Variants in ZBBX observed in about 807,000 individuals in gnomAD.
The protein encoded by ZBBX is zinc finger B-box domain containing.
Under a neutral mutation model 108.5 loss-of-function variants are expected in ZBBX, and 101 were observed. The ratio of observed to expected loss-of-function variants is 0.93; its 90% CI spans 0.79 to 1.10. ZBBX has a LOEUF of 1.10. Ranked by LOEUF, ZBBX falls within the 50% of genes least tolerant of loss-of-function variation. The pLI, the probability that ZBBX is intolerant of heterozygous loss-of-function variation, is 0.00. For missense variants in ZBBX, 1,009 were observed against 941.4 expected (o/e 1.07, Z -0.94); for synonymous variants, 356 against 323.4 (o/e 1.10, Z -1.08).
At chr3:167,300,760 G>A (rs1460895198) in intron 17 of ZBBX, among the ~76,000 whole-genome samples, 2 of 151,746 alleles carry the variant, frequency 1.3e-5, no homozygotes, top group African/African-American at 2.4e-5. Flanking sequence ...TGGGATTACA[G>A]GCACCTGCCA....
rs148477343 is a variant in ZBBX, at chr3:167,289,624, G to A, written c.1880-641C>T. Among the ~76,000 whole-genome samples the A allele has an allele frequency of 1.2e-4, 19 of 152,260 alleles. No individual in the cohort carries two copies. In the East Asian group the frequency reaches 2.7e-3, roughly 22 times the overall value. ...ACCCTCAGACCAGGAGATCCCCTCC[G>A]GTGCCTACACCACCAGGGACCTTGG... On this transcript the variant is annotated intron_variant, in intron 18 of 21. Coordinates refer to ENST00000675490, the MANE Select transcript of ZBBX (RefSeq NM_001199201.2).
intron 19 of ZBBX, 67 bp downstream of exon 19, chr3:167,288,800 T>TA: frequency 9.0e-7 from 1 of 1,114,904 alleles, no homozygotes; most frequent in Non-Finnish European, 1.2e-6. Context: ...ACTAAACTGC[T>TA]AAAAAAGCAA....
At chr3:167,248,341 C>T (rs542767696) in intron 20 of ZBBX, among the ~76,000 whole-genome samples, 1 of 152,342 alleles carries the variant, frequency 6.6e-6, no homozygotes, top group Admixed American at 6.5e-5. Flanking sequence ...TCAGCCTAGT[C>T]TGAAATCGGG....
At chr3:167,307,201 GA>G (rs1733802002) in intron 16 of ZBBX, among the ~76,000 whole-genome samples, 1 of 152,092 alleles carries the variant, frequency 6.6e-6, no homozygotes, top group Non-Finnish European at 1.5e-5. Flanking sequence ...TATTCCCCTT[GA>G]AAACTGGCAC....
At chr3:167,282,634 C>T (rs1038892521) in intron 19 of ZBBX, 139 bp from the exon 20 acceptor site, 1 of 673,972 alleles carries the variant, frequency 1.5e-6, no homozygotes, top group Non-Finnish European at 2.4e-6. Flanking sequence ...CTTTGACTAT[C>T]ACCCTTTCTA....
intron 8 of ZBBX, among the ~76,000 whole-genome samples, chr3:167,357,111 G>T (rs1472166109): frequency 2.0e-5 from 3 of 152,128 alleles, no homozygotes; most frequent in Admixed American, 6.6e-5. Flanking sequence ...GATCAATATA[G>T]ATAGGGTCTT....
chr3:167,252,832 A>G (rs540778431), intron 20 of ZBBX, among the ~76,000 whole-genome samples: 1 of 152,332 alleles, frequency 6.6e-6, no homozygotes, highest in South Asian at 2.1e-4. Flanking sequence ...GAATGGCTGA[A>G]AAAAAGACTA....
At chr3:167,306,263 C>A (rs1483394173) in intron 16 of ZBBX, among the ~76,000 whole-genome samples, 1 of 152,114 alleles carries the variant, frequency 6.6e-6, no homozygotes, top group Non-Finnish European at 1.5e-5. Flanking sequence ...ACTTTCCCAC[C>A]TCCTCCTCTC....
At chr3:167,221,366 A>T in the ZBBX span, among the ~76,000 whole-genome samples, 1 of 151,890 alleles carries the variant, frequency 6.6e-6, no homozygotes, top group East Asian at 1.9e-4. Flanking sequence ...AAATCTGTAC[A>T]TCTAGAATGA....
intron 19 of ZBBX, among the ~76,000 whole-genome samples, chr3:167,284,524 G>C (rs1251522449): frequency 6.6e-6 from 1 of 152,028 alleles, no homozygotes; most frequent in Non-Finnish European, 1.5e-5. Context: ...CTATGAGTAA[G>C]GACTGGACTT....
chr3:167,333,780 A>G, intron 10 of ZBBX, 47 bp downstream of exon 10: 2 of 1,466,380 alleles, frequency 1.4e-6, no homozygotes, highest in Non-Finnish European at 1.8e-6. Flanking sequence ...GGCACCTGCC[A>G]TAGTTACATA....
chr3:167,189,359 T>C, the ZBBX span, among the ~76,000 whole-genome samples: 1 of 152,166 alleles, frequency 6.6e-6, no homozygotes, highest in Admixed American at 6.6e-5. Context: ...CCAGTTAATA[T>C]GAAAATATGT....
At chr3:167,383,006 C>A (rs540069468), upstream of ZBBX, among the ~76,000 whole-genome samples, 2 of 152,208 alleles carry the variant, frequency 1.3e-5, no homozygotes, top group African/African-American at 2.4e-5. Flanking sequence ...TTCTTTGAAC[C>A]AGCTTTACCA....
chr3:167,368,617 G>A (rs368379596), intron 4 of ZBBX, 43 bp from the exon 5 acceptor site: 38 of 1,462,406 alleles, frequency 2.6e-5, no homozygotes, highest in South Asian at 1.8e-4. Context: ...AAAAACAAGC[G>A]AAGCCAAAAT....
At chr3:167,268,799 A>C (rs1448090855) in intron 20 of ZBBX, among the ~76,000 whole-genome samples, 1 of 152,184 alleles carries the variant, frequency 6.6e-6, no homozygotes, top group Non-Finnish European at 1.5e-5. Flanking sequence ...AGATGAAGAG[A>C]AACAAAAACA....
intron 20 of ZBBX, among the ~76,000 whole-genome samples, chr3:167,257,934 C>A (rs1475177667): frequency 6.6e-6 from 1 of 152,060 alleles, no homozygotes; most frequent in Non-Finnish European, 1.5e-5. Context: ...TGAAGATTTT[C>A]TCCCAGTCTG....
chr3:167,306,320 C>T (rs1733638419), intron 16 of ZBBX, among the ~76,000 whole-genome samples: 1 of 152,120 alleles, frequency 6.6e-6, no homozygotes, highest in Non-Finnish European at 1.5e-5. Context: ...ACAGGGGGAA[C>T]ATTTTTTCAT....
At chr3:167,288,294 A>G (rs1007478975) in intron 19 of ZBBX, among the ~76,000 whole-genome samples, 5 of 152,182 alleles carry the variant, frequency 3.3e-5, no homozygotes, top group Admixed American at 2.0e-4. Flanking sequence ...ATCAAAATAG[A>G]TATTCAGTAT....
intron 20 of ZBBX, among the ~76,000 whole-genome samples, chr3:167,279,257 C>T (rs1340447492): frequency 2.0e-5 from 3 of 151,944 alleles, no homozygotes; most frequent in Non-Finnish European, 2.9e-5. Flanking sequence ...GGCAATTAGG[C>T]AGGAGAAGGA....
Sources: gnomAD v4.1 joint callset for allele counts (sites outside exome capture counted in the v4.1 genomes callset) on GRCh38, gnomAD v4.1.1 for gene constraint, MANE v1.5 for transcripts, NCBI Gene and HGNC (gene_info 2026-07-23, HGNC 2026-07-21) for gene names.